The following MYH7B variants were observed in gnomAD, a reference collection of about 807,000 sequenced individuals.
MYH7B encodes myosin-7B.
A neutral mutation model predicts 234.5 loss-of-function variants in MYH7B; 205 were observed. That is an observed-to-expected ratio of 0.87 (90% CI 0.78 to 0.98). The LOEUF (loss-of-function observed/expected upper bound fraction) is 0.98, where lower values mean the gene tolerates loss of function less well. Among genes scored for constraint, MYH7B ranks in the 50% least tolerant of loss-of-function variants. The probability of loss-of-function intolerance (pLI) is 0.00; values close to 1 mark genes in which losing one functional copy is unlikely to be tolerated. For synonymous variants in MYH7B, 1,193 were observed against 1,105.0 expected (o/e 1.08, Z -1.58); for missense variants, 2,652 against 2,633.4 (o/e 1.01, Z -0.15).
chr20:34,980,419 C>T (rs1244361708), intron 7 of MYH7B, 159 bp from the exon 8 acceptor site: 2 of 653,630 alleles, frequency 3.1e-6, no homozygotes, highest in Non-Finnish European at 5.4e-6. Flanking sequence ...CGTGGTGGCA[C>T]GCGCTTGTAG....
intron 8 of MYH7B, 135 bp from the exon 9 acceptor site, chr20:34,980,898 G>C: frequency 6.7e-7 from 1 of 1,485,966 alleles, no homozygotes; most frequent in Non-Finnish European, 9.3e-7. Context: ...ACCTCCACTA[G>C]GGACAGCCCC....
At chr20:34,986,575 C>T (rs527759258) in intron 14 of MYH7B, among the ~76,000 whole-genome samples, 2 of 152,312 alleles carry the variant, frequency 1.3e-5, no homozygotes, top group South Asian at 4.1e-4. Context: ...GGGATCTGGG[C>T]CAGAGGGGGC....
chr20:34,980,938 T>A (rs2147176291), intron 8 of MYH7B, 95 bp from the exon 9 acceptor site: 2 of 1,558,034 alleles, frequency 1.3e-6, no homozygotes, highest in Middle Eastern at 3.4e-4. Flanking sequence ...TGGCTCTGGG[T>A]GGTGGGGTCT....
rs753460691 is a variant in MYH7B, at chr20:34,990,326, GGA to G, written c.1977+19_1977+20del. ...GCTGCACAAGGTAAGGCCCCATCTG[GGA>G]GACAGACCCTCCCTCTTGGCAGCCT... On this transcript the variant is annotated intron_variant, in intron 22 of 44. Transcript: ENST00000262873. 6.2e-7 allele frequency: 1 copy of G among 1,614,054 alleles called. No homozygotes were observed. The highest frequency in any genetic ancestry group is 8.5e-7 in the Non-Finnish European group (1 of 1,179,964).
chr20:34,985,249 C>A, intron 13 of MYH7B, 120 bp downstream of exon 13: 1 of 915,544 alleles, frequency 1.1e-6, no homozygotes, highest in South Asian at 1.4e-5. Context: ...TCTCTACCCC[C>A]TGGCTGCTGC....
At chr20:34,985,547 C>G (rs912774170) in intron 13 of MYH7B, among the ~76,000 whole-genome samples, 4 of 148,380 alleles carry the variant, frequency 2.7e-5, no homozygotes, top group African/African-American at 1.0e-4. Context: ...GTAGAGTGCC[C>G]CATCCTTCCA....
At position 35,001,175 on chromosome 20, in the gene MYH7B, T is replaced by C; in HGVS notation, c.5475+17T>C. ...GAGGCCAAGGTGTGTGCAGCCCCTC[T>C]AGTCCTTGGCGCAGGCAGGGTGGGT... On this transcript the variant is annotated intron_variant, in intron 41 of 44. Transcript: ENST00000262873. 1.2e-6 allele frequency: 2 copies of C among 1,610,938 alleles called. No individual in the cohort carries two copies. Among genetic ancestry groups the C allele is most frequent in the Non-Finnish European group, 1.7e-6 (2 of 1,177,868 alleles).
At chr20:34,964,323 T>C (rs1392179875) in intron 2 of MYH7B, among the ~76,000 whole-genome samples, 1 of 152,042 alleles carries the variant, frequency 6.6e-6, no homozygotes, top group East Asian at 1.9e-4. Context: ...TTTCAGTAAG[T>C]GTTTACATGG....
Position 34,985,149 on chromosome 20 carries a change from G to A in MYH7B, c.805+20G>A. 1 of 1,612,118 alleles carries A rather than the reference G, an allele frequency of 6.2e-7. No homozygotes were observed. Among genetic ancestry groups the A allele is most frequent in the Non-Finnish European group, 8.5e-7 (1 of 1,178,222 alleles). ...ACAGCTGTGAGTCAACCCCCTGCGGGCGGTGCAGGGGAAGGAGGCCTGAGC... is the reference window on the plus strand; with the variant it reads ...ACAGCTGTGAGTCAACCCCCTGCGGACGGTGCAGGGGAAGGAGGCCTGAGC... On this transcript the variant is annotated intron_variant, in intron 13 of 44. Coordinates refer to ENST00000262873, the Ensembl canonical transcript of MYH7B.
chr20:34,990,927 G>T, intron 23 of MYH7B, 77 bp from the exon 24 acceptor site: 1 of 1,555,218 alleles, frequency 6.4e-7, no homozygotes. Flanking sequence ...CACCTCGCAG[G>T]GTCTCCACTG....
chr20:34,977,927 C>A lies in MYH7B; in HGVS notation c.-72-7C>A. On this transcript the variant is annotated splice_polypyrimidine_tract_variant and splice_region_variant and intron_variant, in intron 4 of 44. Transcript: ENST00000262873. ...AGTTCAGCTCCCTTGTCACTGCCATCTTCCAGTGCCTGCTGCCTTGGGCCG... is the reference window on the plus strand; with the variant it reads ...AGTTCAGCTCCCTTGTCACTGCCATATTCCAGTGCCTGCTGCCTTGGGCCG... The A allele has an allele frequency of 6.2e-7, 1 of 1,613,398 alleles. No individual in the cohort carries two copies. The highest frequency in any genetic ancestry group is 8.5e-7 in the Non-Finnish European group (1 of 1,179,982).
chr20:34,979,210 C>A (rs528079475), intron 5 of MYH7B, among the ~76,000 whole-genome samples, 180 bp from the exon 6 acceptor site: 62 of 152,310 alleles, frequency 4.1e-4, no homozygotes, highest in African/African-American at 1.4e-3. Context: ...TCTAGGGACC[C>A]TCCCAGCTCC....
intron 6 of MYH7B, 37 bp from the exon 7 acceptor site, chr20:34,979,624 C>G (rs755929335): frequency 1.2e-6 from 2 of 1,613,302 alleles, no homozygotes; most frequent in South Asian, 1.1e-5. Context: ...GTCGGTTCCT[C>G]CCGGTCCCCC....
intron 14 of MYH7B, among the ~76,000 whole-genome samples, chr20:34,986,563 A>G (rs560399424): frequency 6.6e-6 from 1 of 152,324 alleles, no homozygotes; most frequent in South Asian, 2.1e-4. Flanking sequence ...AGCATCTAGC[A>G]TGGGATCTGG....
rs533165867 is a variant in MYH7B at position 34,991,813 on chromosome 20, C to T, written c.2183+692C>T. Among the ~76,000 whole-genome samples, 5 of 152,316 alleles carry T rather than the reference C, an allele frequency of 3.3e-5. No homozygotes were observed. The South Asian group carries it at 8.3e-4, about 25-fold the overall frequency. On this transcript the variant is annotated intron_variant, in intron 24 of 44. Transcript: ENST00000262873. The stretch of plus-strand genomic sequence containing the variant: ...TGTAAACAGAGGTTCACACAGATAC[C>T]ATACACGCACACACACGCATGGTGC...
At chr20:34,962,690 C>T (rs1393939549) in intron 2 of MYH7B, among the ~76,000 whole-genome samples, 1 of 152,038 alleles carries the variant, frequency 6.6e-6, no homozygotes, top group African/African-American at 2.4e-5. Flanking sequence ...AGCAGTGGTG[C>T]GATCATAGCT....
rs374907349 is a variant in MYH7B at position 35,001,115 on chromosome 20, C to T, written c.5432C>T (p.Ala1811Val). 4.3e-6 allele frequency: 7 copies of T among 1,613,634 alleles called. No homozygotes were observed. The highest frequency in any genetic ancestry group is 3.3e-5 in the Admixed American group (2 of 60,002). The change falls in exon 41 of 45, where the codon GCC (alanine) becomes GTC (valine). Residue 1811 changes from alanine (A) to valine (V), a missense_variant. Around this residue, in one of 3 missense-constraint regions of MYH7B, gnomAD observed 2,279 missense variants for 2,211.4 expected, o/e 1.03. Transcript: ENST00000262873. ...CGCCTTGAGGAGGCAGAACAGGCCG[C>T]CCTCCGTGGCGGGAAGAAGCAGGTG...
intron 2 of MYH7B, among the ~76,000 whole-genome samples, chr20:34,959,332 G>A (rs1181589354): frequency 2.6e-5 from 4 of 152,198 alleles, no homozygotes; most frequent in Non-Finnish European, 2.9e-5. Context: ...GTAGTGGACT[G>A]TAGGGAACCT....
chr20:35,000,515 G>C (rs1254808469), exon 39 of MYH7B: 1 of 1,595,368 alleles, frequency 6.3e-7, no homozygotes, highest in East Asian at 2.2e-5. Flanking sequence ...ACGAGGAGCA[G>C]CGGCTGGCAG....
Sources: allele counts gnomAD v4.1 joint callset (sites outside exome capture counted in the v4.1 genomes callset), GRCh38; gene constraint gnomAD v4.1.1; regional missense constraint gnomAD v4.1.1; transcripts MANE v1.5; gene names NCBI Gene and HGNC (gene_info 2026-07-23, HGNC 2026-07-21).